Variants in UNC13C observed in about 807,000 individuals in gnomAD.
The protein encoded by UNC13C is protein unc-13 homolog C.
Under a neutral mutation model 245.4 loss-of-function variants are expected in UNC13C, and 174 were observed. The observed-to-expected ratio is 0.71, with a 90% CI of 0.63 to 0.80. The LOEUF (loss-of-function observed/expected upper bound fraction) is 0.80. Ranked by LOEUF, UNC13C falls within the 30% of genes least tolerant of loss-of-function variation. UNC13C has a pLI of 0.00. For synonymous variants in UNC13C, 992 were observed against 895.1 expected (o/e 1.11, Z -1.93); for missense variants, 2,829 against 2,602.9 (o/e 1.09, Z -1.89).
intron 19 of UNC13C, among the ~76,000 whole-genome samples, chr15:54,494,115 A>T (rs1270706878): frequency 1.3e-5 from 2 of 152,164 alleles, no homozygotes; most frequent in African/African-American, 4.8e-5. Context: ...ATATTGATTA[A>T]TCAATGATTA....
At chr15:54,248,436 G>A (rs1165599741) in intron 7 of UNC13C, among the ~76,000 whole-genome samples, 1 of 152,078 alleles carries the variant, frequency 6.6e-6, no homozygotes, top group Non-Finnish European at 1.5e-5. Flanking sequence ...TGATAGTGAA[G>A]ATACTCACTA....
intron 26 of UNC13C, among the ~76,000 whole-genome samples, chr15:54,535,562 C>T (rs8026071): frequency 0.039 from 5,894 of 152,188 alleles, 254 homozygotes; most frequent in East Asian, 0.11. Context: ...CTCATCTGCA[C>T]TTGGCACACA....
chr15:54,173,515 G>GT (rs566414219), intron 4 of UNC13C, among the ~76,000 whole-genome samples: 17 of 151,966 alleles, frequency 1.1e-4, no homozygotes, highest in African/African-American at 4.1e-4. Context: ...TCATTTTTCA[G>GT]TTTTTTTGTT....
chr15:54,343,193 G>C (rs1185394065), intron 17 of UNC13C, among the ~76,000 whole-genome samples: 1 of 151,532 alleles, frequency 6.6e-6, no homozygotes, highest in Admixed American at 6.6e-5. Context: ...GAGCGCAGTG[G>C]CGCAATCTCG....
intron 29 of UNC13C, among the ~76,000 whole-genome samples, chr15:54,562,499 G>T (rs1234126520): frequency 1.3e-5 from 2 of 151,920 alleles, no homozygotes; most frequent in East Asian, 1.9e-4. Flanking sequence ...GTCCGCACAT[G>T]GTCTTCCGGC....
chr15:54,141,183 TGC>T (rs1308968005), intron 2 of UNC13C, among the ~76,000 whole-genome samples: 4 of 152,184 alleles, frequency 2.6e-5, no homozygotes, highest in Non-Finnish European at 5.9e-5. Flanking sequence ...ATTATTATTT[TGC>T]TTATGGGTTG....
At chr15:53,970,388 G>A in the UNC13C span, among the ~76,000 whole-genome samples, 41 of 152,148 alleles carry the variant, frequency 2.7e-4, no homozygotes, top group South Asian at 4.1e-3. Context: ...CCTTTTTAAG[G>A]CTGAAAAATA....
chr15:53,905,265 C>T, the UNC13C span, among the ~76,000 whole-genome samples: 1 of 152,056 alleles, frequency 6.6e-6, no homozygotes, highest in African/African-American at 2.4e-5. Context: ...ATGTTCATTG[C>T]AGTGTTATTC....
chr15:54,080,729 T>C (rs1253767940), intron 2 of UNC13C, among the ~76,000 whole-genome samples: 4 of 152,096 alleles, frequency 2.6e-5, no homozygotes, highest in Admixed American at 6.5e-5. Context: ...TTAATCTAGA[T>C]ATTGATATGT....
At chr15:54,464,038 G>A (rs866299514) in intron 19 of UNC13C, among the ~76,000 whole-genome samples, 1 of 152,200 alleles carries the variant, frequency 6.6e-6, no homozygotes, top group South Asian at 2.1e-4. Flanking sequence ...GTTAACGAAT[G>A]TAAATTATAA....
intron 30 of UNC13C, among the ~76,000 whole-genome samples, chr15:54,580,980 C>A (rs1002758401): frequency 6.6e-6 from 1 of 152,166 alleles, no homozygotes; most frequent in Non-Finnish European, 1.5e-5. Flanking sequence ...GCACAAAGCA[C>A]TGTGCTAGGT....
chr15:54,367,010 G>T (rs559865390), intron 17 of UNC13C, among the ~76,000 whole-genome samples: 2 of 152,228 alleles, frequency 1.3e-5, no homozygotes, highest in East Asian at 3.9e-4. Flanking sequence ...AACCTCAGGG[G>T]ATACAGTGAC....
intron 19 of UNC13C, among the ~76,000 whole-genome samples, chr15:54,428,789 T>C (rs1181349803): frequency 6.6e-6 from 1 of 151,548 alleles, no homozygotes; most frequent in African/African-American, 2.4e-5. Flanking sequence ...AGTGTGCCCT[T>C]TGATCCCTTG....
intron 2 of UNC13C, among the ~76,000 whole-genome samples, chr15:54,023,981 A>G (rs1187355741): frequency 6.6e-6 from 1 of 152,206 alleles, no homozygotes; most frequent in Non-Finnish European, 1.5e-5. Flanking sequence ...GAAATTATAA[A>G]TCATTTTTGA....
rs145132652 is a variant in UNC13C at position 54,558,502 on chromosome 15, C to T, written c.5958+2990C>T. ...ATTACTTCTTGCTATATTAAAATACCACGTCAATTACTTAGATTATTTTCT... is the reference window on the plus strand; with the variant it reads ...ATTACTTCTTGCTATATTAAAATACTACGTCAATTACTTAGATTATTTTCT... On this transcript the variant is annotated intron_variant, in intron 29 of 32. Transcript: ENST00000260323. Among the ~76,000 whole-genome samples, 528 of 151,992 alleles carry T rather than the reference C, an allele frequency of 3.5e-3. 1 individual carries two copies. Among genetic ancestry groups the T allele is most frequent in the Non-Finnish European group, 5.4e-3 (368 of 67,946 alleles).
chr15:54,186,859 T>C (rs888650791), intron 4 of UNC13C, among the ~76,000 whole-genome samples: 1 of 103,648 alleles, frequency 9.6e-6, no homozygotes, highest in African/African-American at 3.1e-5. Context: ...ATATATATTT[T>C]GTTTTTTGAG....
At chr15:54,146,391 CACACTAAAACCAAATTAATAAACTATAT>C (rs2032260259) in intron 4 of UNC13C, among the ~76,000 whole-genome samples, 1 of 152,166 alleles carries the variant, frequency 6.6e-6, no homozygotes, top group Non-Finnish European at 1.5e-5. Flanking sequence ...ATAATCTCTA[CACACTAAAACCAAATTAATAAACTATAT>C]ACACTGAAAC....
chr15:53,965,844 A>G, the UNC13C span, among the ~76,000 whole-genome samples: 1 of 152,044 alleles, frequency 6.6e-6, no homozygotes, highest in East Asian at 1.9e-4. Flanking sequence ...GTGATAGTTT[A>G]CTGAGAATGA....
Position 54,532,593 on chromosome 15 carries a change from TGCA to T in UNC13C, c.5547-323_5547-321del, listed in dbSNP as rs1466575743. On this transcript the variant is annotated intron_variant, in intron 25 of 32. Coordinates refer to ENST00000260323, the MANE Select transcript of UNC13C (RefSeq NM_001080534.3). ...AACACATGAACAGAAAACCAAATAC[TGCA>T]AGAGTCTTTTTAGAGCAGTCATTTT... 7.4e-3 allele frequency among the ~76,000 whole-genome samples: 1,126 copies of T among 152,242 alleles called. 15 individuals are homozygous for T. The highest frequency in any genetic ancestry group is 0.026 in the African/African-American group (1,074 of 41,538).
Sources: allele counts gnomAD v4.1 joint callset (sites outside exome capture counted in the v4.1 genomes callset), GRCh38; gene constraint gnomAD v4.1.1; transcripts MANE v1.5; gene names NCBI Gene and HGNC (gene_info 2026-07-23, HGNC 2026-07-21).